The following SYCP2L variants were observed in gnomAD, a reference collection of about 807,000 sequenced individuals.
The protein encoded by SYCP2L is synaptonemal complex protein 2-like.
A neutral mutation model predicts 125.8 loss-of-function variants in SYCP2L; 98 were observed. The observed-to-expected ratio is 0.78, with a 90% CI of 0.66 to 0.92. SYCP2L has a LOEUF of 0.92. Ranked by LOEUF, SYCP2L falls within the 40% of genes least tolerant of loss-of-function variation. SYCP2L has a pLI of 0.00. For synonymous variants in SYCP2L, 317 were observed against 325.4 expected (o/e 0.97, Z 0.28); for missense variants, 842 against 936.4 (o/e 0.90, Z 1.32).
At chr6:10,941,992 A>G (rs4283887) in intron 21 of SYCP2L, among the ~76,000 whole-genome samples, 32,996 of 151,824 alleles carry the variant, frequency 0.22, 4,179 homozygotes, top group East Asian at 0.43. Context: ...TGATGATTTC[A>G]TGTCCTTTGT....
intron 23 of SYCP2L, among the ~76,000 whole-genome samples, chr6:10,947,365 T>G (rs72823345): frequency 0.01 from 1,582 of 152,202 alleles, 13 homozygotes; most frequent in Admixed American, 0.021. Context: ...ATATATAAGT[T>G]AACTTGAAGA....
At chr6:10,911,079 A>G (rs1780599049) in intron 12 of SYCP2L, among the ~76,000 whole-genome samples, 1 of 152,194 alleles carries the variant, frequency 6.6e-6, no homozygotes, top group African/African-American at 2.4e-5. Flanking sequence ...CTCTACTGTT[A>G]CTACTGGAAA....
At chr6:10,941,562 T>A (rs1781220876) in intron 21 of SYCP2L, among the ~76,000 whole-genome samples, 1 of 152,234 alleles carries the variant, frequency 6.6e-6, no homozygotes, top group African/African-American at 2.4e-5. Flanking sequence ...TCACCATCAC[T>A]GGCCATCAGA....
At chr6:10,973,774 G>A (rs549498317) in intron 29 of SYCP2L, among the ~76,000 whole-genome samples, 178 bp from the exon 30 acceptor site, 4 of 152,302 alleles carry the variant, frequency 2.6e-5, no homozygotes, top group East Asian at 1.9e-4. Context: ...AGTTTCTGCC[G>A]AGGACACTGA....
intron 23 of SYCP2L, among the ~76,000 whole-genome samples, chr6:10,948,340 G>A (rs1487717175): frequency 2.6e-5 from 4 of 151,936 alleles, no homozygotes; most frequent in Non-Finnish European, 5.9e-5. Flanking sequence ...AACGTCTCCC[G>A]GTTTTCCCAA....
At chr6:10,890,979 G>T (rs1353356298) in intron 1 of SYCP2L, among the ~76,000 whole-genome samples, 1 of 152,162 alleles carries the variant, frequency 6.6e-6, no homozygotes, top group Non-Finnish European at 1.5e-5. Flanking sequence ...TCAAAAATCA[G>T]TTGGCTATAA....
chr6:10,904,857 C>T (rs9467897), intron 8 of SYCP2L, among the ~76,000 whole-genome samples: 38,416 of 151,888 alleles, frequency 0.25, 5,041 homozygotes, highest in Middle Eastern at 0.38. Flanking sequence ...TCGACTCGGC[C>T]GGGCATGGTG....
intron 6 of SYCP2L, among the ~76,000 whole-genome samples, chr6:10,901,214 T>C (rs1049138835): frequency 7.9e-5 from 12 of 152,228 alleles, no homozygotes; most frequent in African/African-American, 2.7e-4. Context: ...CATCAAAAAA[T>C]GATGGTACCT....
rs72823321 is a variant in SYCP2L, at chr6:10,909,834, C to T, written c.820-314C>T. Among the ~76,000 whole-genome samples the T allele has an allele frequency of 9.7e-3, 1,478 of 152,242 alleles. 10 individuals are homozygous for T. The highest frequency in any genetic ancestry group is 0.017 in the Non-Finnish European group (1,168 of 68,020). On this transcript the variant is annotated intron_variant, in intron 10 of 29. Coordinates refer to ENST00000283141, the MANE Select transcript of SYCP2L (RefSeq NM_001040274.3). The stretch of plus-strand genomic sequence containing the variant: ...ATTGTAACCTAGGTCATCAGTAAGA[C>T]GTATTTATCTTGCTTACACTTCTGA...
At chr6:10,972,135 AATGGAC>A (rs1317996231) in intron 29 of SYCP2L, among the ~76,000 whole-genome samples, 5 of 152,202 alleles carry the variant, frequency 3.3e-5, no homozygotes, top group Admixed American at 2.0e-4. Context: ...TTTTCCCTAT[AATGGAC>A]ATCCAGGTTA....
intron 24 of SYCP2L, among the ~76,000 whole-genome samples, chr6:10,955,896 T>G (rs1468043097): frequency 6.6e-6 from 1 of 152,168 alleles, no homozygotes; most frequent in Non-Finnish European, 1.5e-5. Context: ...TTAGAACCTA[T>G]TACAACACCT....
chr6:10,973,058 G>C (rs1229490037), intron 29 of SYCP2L, among the ~76,000 whole-genome samples: 1 of 152,210 alleles, frequency 6.6e-6, no homozygotes, highest in African/African-American at 2.4e-5. Context: ...AGTCATGTCT[G>C]TCATGCCTGA....
intron 15 of SYCP2L, 94 bp from the exon 16 acceptor site, chr6:10,926,244 TC>T: frequency 1.2e-6 from 1 of 860,200 alleles, no homozygotes; most frequent in Non-Finnish European, 1.9e-6. Flanking sequence ...TTCTGATTTA[TC>T]AGTGTGTTTT....
intron 14 of SYCP2L, among the ~76,000 whole-genome samples, chr6:10,915,029 A>T (rs996511864): frequency 3.3e-5 from 5 of 152,086 alleles, no homozygotes; most frequent in Non-Finnish European, 5.9e-5. Flanking sequence ...TACAGGCGTG[A>T]ACCACCGCAC....
intron 29 of SYCP2L, among the ~76,000 whole-genome samples, chr6:10,972,808 G>A (rs954693692): frequency 1.1e-4 from 16 of 152,106 alleles, no homozygotes; most frequent in South Asian, 4.1e-4. Flanking sequence ...GATTATAGGC[G>A]TCTGCCACCA....
chr6:10,966,459 T>C (rs1011208134), intron 29 of SYCP2L, among the ~76,000 whole-genome samples: 27 of 152,320 alleles, frequency 1.8e-4, no homozygotes, highest in African/African-American at 6.3e-4. Context: ...AAATTCTAAA[T>C]GCATTATCAC....
intron 21 of SYCP2L, among the ~76,000 whole-genome samples, chr6:10,939,077 G>A (rs568019014): frequency 6.6e-5 from 10 of 151,778 alleles, no homozygotes; most frequent in Non-Finnish European, 1.0e-4. Flanking sequence ...CTGAGATCAC[G>A]CCACTGCATT....
intron 20 of SYCP2L, among the ~76,000 whole-genome samples, chr6:10,933,440 T>G (rs575307674): frequency 6.6e-6 from 1 of 152,354 alleles, no homozygotes; most frequent in South Asian, 2.1e-4. Flanking sequence ...GCCATCACAA[T>G]GACCAGGATG....
At chr6:10,898,586 C>A (rs574987161) in intron 5 of SYCP2L, among the ~76,000 whole-genome samples, 3 of 152,176 alleles carry the variant, frequency 2.0e-5, no homozygotes, top group African/African-American at 7.2e-5. Flanking sequence ...ACATATATAA[C>A]CGATGTTAAA....
Sources: allele counts gnomAD v4.1 joint callset (sites outside exome capture counted in the v4.1 genomes callset), GRCh38; gene constraint gnomAD v4.1.1; transcripts MANE v1.5; gene names NCBI Gene and HGNC (gene_info 2026-07-23, HGNC 2026-07-21).